Variants in DCC observed in about 807,000 individuals in gnomAD.
The protein encoded by DCC is netrin receptor DCC.
In DCC, 58 loss-of-function variants were observed where a neutral mutation model predicts 172.5. The ratio of observed to expected loss-of-function variants is 0.34; its 90% CI spans 0.27 to 0.42. The LOEUF is 0.42. Ranked by LOEUF, DCC falls within the 10% of genes least tolerant of loss-of-function variation. The pLI is 1.00. For missense variants in DCC, 1,740 were observed against 1,791.0 expected (o/e 0.97, Z 0.51); for synonymous variants, 709 against 644.5 (o/e 1.10, Z -1.52).
intron 15 of DCC, among the ~76,000 whole-genome samples, chr18:53,376,376 T>C (rs1458018886): frequency 6.6e-6 from 1 of 152,048 alleles, no homozygotes; most frequent in Non-Finnish European, 1.5e-5. Context: ...TGAGCAAAAC[T>C]GTGTCTCAAA....
At chr18:53,173,310 T>C (rs1217912639) in intron 8 of DCC, among the ~76,000 whole-genome samples, 2 of 152,146 alleles carry the variant, frequency 1.3e-5, no homozygotes, top group Non-Finnish European at 2.9e-5. Flanking sequence ...ACTGCACTTC[T>C]AAAAGAATGC....
chr18:53,337,354 A>C (rs1348799760), intron 14 of DCC, among the ~76,000 whole-genome samples: 1 of 152,258 alleles, frequency 6.6e-6, no homozygotes, highest in Non-Finnish European at 1.5e-5. Context: ...TAGTGCAAAC[A>C]CTTCAAATAT....
At chr18:53,233,210 T>C (rs2056149108) in intron 12 of DCC, among the ~76,000 whole-genome samples, 1 of 152,214 alleles carries the variant, frequency 6.6e-6, no homozygotes, top group South Asian at 2.1e-4. Flanking sequence ...TTTCTACATG[T>C]TGACGTTCTC....
chr18:52,726,533 A>G (rs1316537432), intron 1 of DCC, among the ~76,000 whole-genome samples: 1 of 152,154 alleles, frequency 6.6e-6, no homozygotes, highest in Non-Finnish European at 1.5e-5. Flanking sequence ...AGCATTATTT[A>G]TATACTTCTC....
intron 2 of DCC, among the ~76,000 whole-genome samples, chr18:52,826,850 C>A (rs1339946706): frequency 3.9e-5 from 6 of 152,108 alleles, no homozygotes; most frequent in African/African-American, 1.4e-4. Flanking sequence ...ATTCAATCAA[C>A]CCAGATAAAA....
chr18:53,082,521 C>A (rs999503630), intron 7 of DCC, among the ~76,000 whole-genome samples: 2 of 151,820 alleles, frequency 1.3e-5, no homozygotes, highest in East Asian at 1.9e-4. Flanking sequence ...AAAATTGGAC[C>A]AGATTAATTA....
At chr18:53,241,219 A>G (rs1432614714) in intron 12 of DCC, among the ~76,000 whole-genome samples, 1 of 152,062 alleles carries the variant, frequency 6.6e-6, no homozygotes, top group Non-Finnish European at 1.5e-5. Flanking sequence ...TAAATTTGTG[A>G]CTGTCAAGGG....
At chr18:53,003,995 G>A (rs1248903794) in intron 5 of DCC, among the ~76,000 whole-genome samples, 3 of 152,078 alleles carry the variant, frequency 2.0e-5, no homozygotes, top group African/African-American at 7.2e-5. Flanking sequence ...ATTTCACTCA[G>A]CTATTCACCA....
chr18:53,314,094 T>C (rs922072419), intron 13 of DCC, among the ~76,000 whole-genome samples: 1 of 152,188 alleles, frequency 6.6e-6, no homozygotes, highest in Admixed American at 6.5e-5. Flanking sequence ...GCATGTATTA[T>C]TACTTAATCA....
chr18:53,248,622 C>A (rs1041421103), intron 12 of DCC, among the ~76,000 whole-genome samples: 1 of 152,018 alleles, frequency 6.6e-6, no homozygotes, highest in Admixed American at 6.6e-5. Flanking sequence ...GTGTGACATT[C>A]CCCTGCCACA....
intron 9 of DCC, among the ~76,000 whole-genome samples, 198 bp downstream of exon 9, chr18:53,179,314 G>A (rs753950411): frequency 5.9e-5 from 9 of 152,054 alleles, no homozygotes; most frequent in Non-Finnish European, 1.3e-4. Flanking sequence ...GCCACATACC[G>A]TAATGGCAAA....
chr18:53,312,960 AGGGAGTGGGGAGAGG>A (rs2057295233), intron 13 of DCC, among the ~76,000 whole-genome samples: 1 of 63,102 alleles, frequency 1.6e-5, no homozygotes. Context: ...GGAAGGGAGG[AGGGAGTGGGGAGAGG>A]AAGGGAGGAG....
At chr18:53,071,527 T>C (rs1341375241) in intron 7 of DCC, among the ~76,000 whole-genome samples, 1 of 152,170 alleles carries the variant, frequency 6.6e-6, no homozygotes, top group East Asian at 1.9e-4. Flanking sequence ...TCTCTCTCTA[T>C]AGAACACATG....
At chr18:52,996,437 T>C (rs776564443) in intron 5 of DCC, among the ~76,000 whole-genome samples, 68 of 151,994 alleles carry the variant, frequency 4.5e-4, no homozygotes, top group Non-Finnish European at 8.7e-4. Flanking sequence ...GATTTTTGGA[T>C]ATATTTATCA....
chr18:53,383,500 TTTA>T (rs1907921252), intron 15 of DCC, among the ~76,000 whole-genome samples: 1 of 149,316 alleles, frequency 6.7e-6, no homozygotes, highest in Admixed American at 6.8e-5. Context: ...TTGACATGAT[TTTA>T]TTAGTTGCTT....
intron 1 of DCC, among the ~76,000 whole-genome samples, chr18:52,552,629 C>T (rs76437058): frequency 0.048 from 7,355 of 151,966 alleles, 223 homozygotes; most frequent in Non-Finnish European, 0.06. Flanking sequence ...GGATATTTTA[C>T]CTAATTGTCT....
chr18:53,354,872 T>A (rs113863773), intron 15 of DCC, among the ~76,000 whole-genome samples: 21,134 of 145,816 alleles, frequency 0.14, 1,924 homozygotes, highest in African/African-American at 0.25. Context: ...CTGAATGGTA[T>A]TGCCTAGGTT....
At chr18:52,927,161 A>G (rs1054536855) in intron 5 of DCC, among the ~76,000 whole-genome samples, 2,181 of 17,016 alleles carry the variant, frequency 0.13, 476 homozygotes, top group Middle Eastern at 0.25. Flanking sequence ...ATATATACGT[A>G]TATATGTGTA....
intron 2 of DCC, chr18:52,754,012 T>C (rs972229972): frequency 1.5e-4 from 23 of 152,212 alleles, no homozygotes; most frequent in African/African-American, 5.3e-4. Flanking sequence ...ACGTAATCTT[T>C]AGTTCTCAAT....
Sources: gnomAD v4.1 joint callset for allele counts (sites outside exome capture counted in the v4.1 genomes callset) on GRCh38, gnomAD v4.1.1 for gene constraint, MANE v1.5 for transcripts, NCBI Gene and HGNC (gene_info 2026-07-23, HGNC 2026-07-21) for gene names.